CLCN6: variants seen among roughly 807,000 people sequenced by gnomAD.
CLCN6 encodes H(+)/Cl(-) exchange transporter 6.
A neutral mutation model predicts 109.8 loss-of-function variants in CLCN6; 70 were observed. The observed-to-expected ratio is 0.64, with a 90% confidence interval of 0.53 to 0.78. The LOEUF (loss-of-function observed/expected upper bound fraction) is 0.78, where lower values mean the gene tolerates loss of function less well. Ranked by LOEUF, CLCN6 falls within the 30% of genes least tolerant of loss-of-function variation. CLCN6 has a pLI of 0.00. For missense variants in CLCN6, 984 were observed against 1,142.3 expected, an observed-to-expected ratio of 0.86 and a Z score of 2.00; for synonymous variants, 444 against 447.8, an observed-to-expected ratio of 0.99 and a Z score of 0.11.
At chr1:11,816,936 G>A (rs910463991) in intron 4 of CLCN6, among the ~76,000 whole-genome samples, 1 of 151,626 alleles carries the variant, frequency 6.6e-6, no homozygotes, top group African/African-American at 2.4e-5. Flanking sequence ...CATGACAATG[G>A]TGCTCTTGAA....
chr1:11,823,026 A>T (rs1258618643), intron 6 of CLCN6, among the ~76,000 whole-genome samples: 1 of 152,134 alleles, frequency 6.6e-6, no homozygotes, highest in Non-Finnish European at 1.5e-5. Context: ...GGGGGGAGGA[A>T]AAAAGGGGGA....
intron 18 of CLCN6, 79 bp from the exon 19 acceptor site, chr1:11,836,920 C>A: frequency 6.5e-7 from 1 of 1,537,432 alleles, no homozygotes; most frequent in South Asian, 1.2e-5. Flanking sequence ...CCCTCCCTGT[C>A]ACCCAAATCC....
intron 5 of CLCN6, among the ~76,000 whole-genome samples, chr1:11,822,432 A>G (rs976411484): frequency 6.6e-6 from 1 of 152,128 alleles, no homozygotes; most frequent in Admixed American, 6.5e-5. Context: ...TTGTAGCGAC[A>G]TGGTCTCACT....
intron 13 of CLCN6, among the ~76,000 whole-genome samples, chr1:11,831,103 G>A (rs1023651195): frequency 2.0e-5 from 3 of 151,928 alleles, no homozygotes; most frequent in Admixed American, 1.3e-4. Context: ...AAATTGCTAG[G>A]ATTACAGGTG....
intron 2 of CLCN6, among the ~76,000 whole-genome samples, chr1:11,810,944 G>A (rs115095750): frequency 0.019 from 2,912 of 152,224 alleles, 40 homozygotes; most frequent in Non-Finnish European, 0.028. Context: ...GGGTGCAGTG[G>A]CCCACACCTG....
In CLCN6 at chr1:11,840,555, G is replaced by A. The variant is rs1645007040; in HGVS notation, c.*332G>A. On this transcript the variant is annotated 3_prime_UTR_variant, in exon 23 of 23. Transcript: ENST00000346436. ...AGGCGGGCCCCGGGCTGCACTCCGA[G>A]CAGTGTTCCTGGCCATCTTTGCTAC... 2.4e-6 allele frequency: 1 copy of A among 418,212 alleles called. No homozygotes were observed. The allele number at this position is 418,212 out of a possible 1,614,324, so 25.9% of individuals were successfully genotyped here. A position where few individuals can be genotyped will look rare whatever the true frequency, so the allele number is the denominator to read the frequency against.
Position 11,836,142 on chromosome 1 carries a change from A to T in CLCN6, c.1969A>T (p.Ile657Phe). The T allele has an allele frequency of 1.2e-6, 2 of 1,612,908 alleles. No homozygotes were observed. The highest frequency in any genetic ancestry group is 1.7e-6 in the Non-Finnish European group (2 of 1,179,656). Residue 657 changes from isoleucine to phenylalanine, a missense_variant, in exon 18 of 23, where the codon ATC (isoleucine) becomes TTC (phenylalanine). Coordinates refer to ENST00000346436, the MANE Select transcript of CLCN6 (RefSeq NM_001286.5). Reference sequence around the variant, plus strand: ...GGGCAACCAGCTCATCAGCAACAACATCAAGTTCAAGGTAAAGAAAACGGC... The same window carrying T: ...GGGCAACCAGCTCATCAGCAACAACTTCAAGTTCAAGGTAAAGAAAACGGC... ...MKGNQLISNN[I>F]KFKKSSILTR...
At chr1:11,811,383 A>AT (rs1208240536) in intron 2 of CLCN6, among the ~76,000 whole-genome samples, 262 of 147,034 alleles carry the variant, frequency 1.8e-3, no homozygotes, top group African/African-American at 6.3e-3. Flanking sequence ...TCCTACAGTC[A>AT]ATTTTTTTTT....
At chr1:11,839,111 T>C (rs1302498884) in intron 22 of CLCN6, 1 of 586,874 alleles carries the variant, frequency 1.7e-6, no homozygotes, top group South Asian at 2.2e-5. Flanking sequence ...ATTACACAAA[T>C]ATTTTCTTAT....
rs1419408203 is a variant in CLCN6, at chr1:11,806,304, G to GTGC, written c.52_54dup (p.Cys18dup). The GTGC allele has an allele frequency of 6.6e-7, 1 of 1,512,762 alleles. No individual in the cohort carries two copies. The highest frequency in any genetic ancestry group is 8.8e-7 in the Non-Finnish European group (1 of 1,142,612). 93.7% of individuals were successfully genotyped at this position (1,512,762 alleles called of 1,614,324 possible). Reference sequence around the variant, plus strand: ...GGTCTCTGTGCTGCTGCTGCAGGTGGTGCTGCTGCTGCGGTGAGCGTGAGA... The same window carrying GTGC: ...GGTCTCTGTGCTGCTGCTGCAGGTGGTGCTGCTGCTGCTGCGGTGAGCGTGAGA... On this transcript the variant is annotated inframe_insertion, in exon 1 of 23. Transcript: ENST00000346436.
intron 2 of CLCN6, among the ~76,000 whole-genome samples, chr1:11,809,350 C>T (rs1406822335): frequency 6.6e-6 from 1 of 152,186 alleles, no homozygotes; most frequent in Admixed American, 6.5e-5. Flanking sequence ...CTCACCAAGG[C>T]TTCCCCATTG....
At position 11,843,050 on chromosome 1, in the gene CLCN6, A is replaced by G. The variant is rs1645045041; in HGVS notation, c.*2827A>G. On this transcript the variant is annotated 3_prime_UTR_variant, in exon 23 of 23. Coordinates refer to ENST00000346436, the MANE Select transcript of CLCN6 (RefSeq NM_001286.5). Reference sequence around the variant, plus strand: ...AATTGTATTTTTTTTAATTTGTAAAATGCTATTTTTATTTGAACCTTTGGA... The same window carrying G: ...AATTGTATTTTTTTTAATTTGTAAAGTGCTATTTTTATTTGAACCTTTGGA... 6.6e-6 allele frequency: 1 copy of G among 152,150 alleles called. No individual in the cohort carries two copies. The highest frequency in any genetic ancestry group is 2.4e-5 in the African/African-American group (1 of 41,432). 9.4% of individuals were successfully genotyped at this position (152,150 alleles called of 1,614,324 possible).
intron 22 of CLCN6, 88 bp downstream of exon 22, chr1:11,838,748 C>CCTG: frequency 6.3e-7 from 1 of 1,581,260 alleles, no homozygotes; most frequent in South Asian, 1.1e-5. Flanking sequence ...TCACCAGAAA[C>CCTG]GTAGGCATCC....
rs1644923605 is a variant in CLCN6, at chr1:11,834,718, C to G, written c.1793+128C>G. On this transcript the variant is annotated intron_variant, in intron 17 of 22. Transcript: ENST00000346436. The surrounding 1 kb of genome is among the most constrained non-coding windows in gnomAD (Gnocchi z 4.5). The stretch of plus-strand genomic sequence containing the variant: ...GGCTGAAAGAAGCAACACACCCATT[C>G]CTGAGCATGTGTGAGAATGTGGAGC... 1 of 809,842 alleles carries G rather than the reference C, an allele frequency of 1.2e-6. No individual in the cohort carries two copies. Among genetic ancestry groups the G allele is most frequent in the Non-Finnish European group, 2.0e-6 (1 of 499,332 alleles). 50.2% of individuals were successfully genotyped at this position (809,842 alleles called of 1,614,324 possible).
rs377507145 is a variant in CLCN6 at position 11,833,644 on chromosome 1, T to C, written c.1372+6T>C. On this transcript the variant is annotated splice_donor_region_variant and intron_variant, in intron 14 of 22. Transcript: ENST00000346436. ...CCAGCTCTTCCACCAGGATGGTGAG[T>C]GTCTGCACTGCAGCCCAATCGTGGG... The C allele has an allele frequency of 4.0e-4, 638 of 1,613,104 alleles. 4 individuals carry two copies. The South Asian group carries it at 5.3e-3, about 13-fold the overall frequency.
In CLCN6 at chr1:11,841,335, T is replaced by C. The variant is rs1237871988; in HGVS notation, c.*1112T>C. 1.3e-5 allele frequency: 2 copies of C among 152,608 alleles called. No homozygotes were observed. The highest frequency in any genetic ancestry group is 2.4e-5 in the African/African-American group (1 of 41,454). 9.5% of individuals were successfully genotyped at this position (152,608 alleles called of 1,614,324 possible). On this transcript the variant is annotated 3_prime_UTR_variant, in exon 23 of 23. Coordinates refer to ENST00000346436, the MANE Select transcript of CLCN6 (RefSeq NM_001286.5). ...AGAGGCCCTTCAGGAGGGCCTCCTG[T>C]GCCGCAGGGAGGGTGCGTGGGGAAG...
In CLCN6 at chr1:11,829,196, A is replaced by G. The variant is rs1270384664; in HGVS notation, c.1122A>G (p.Arg374=). The part of the protein sequence containing the change: ...RNVHPKPKLV[R]VLESLLVSLV... ...GTAACAGCTGTGCTTTGCCTCCTAG[A>G]GTCTTAGAGAGCCTCCTTGTGTCTC... Residue 374 remains arginine (R), a splice_region_variant and synonymous_variant, in exon 13 of 23, where the codon AGA becomes AGG. Transcript: ENST00000346436. The G allele has an allele frequency of 6.2e-7, 1 of 1,613,452 alleles. No individual in the cohort carries two copies. The highest frequency in any genetic ancestry group is 8.5e-7 in the Non-Finnish European group (1 of 1,179,748).
At position 11,828,607 on chromosome 1, in the gene CLCN6, G is replaced by A. The variant is rs773236964; in HGVS notation, c.1104G>A (p.Pro368=). The A allele has an allele frequency of 9.9e-6, 16 of 1,610,682 alleles. No homozygotes were observed. The highest frequency in any genetic ancestry group is 5.5e-5 in the South Asian group (5 of 90,690). Residue 368 remains proline (P), a synonymous_variant, in exon 12 of 23, where the codon CCG becomes CCA. Coordinates refer to ENST00000346436, the MANE Select transcript of CLCN6 (RefSeq NM_001286.5). ...LAKYRMRNVH[P]KPKLVRVLES... ...AGTACCGTATGCGAAACGTGCACCC[G>A]AAACCTAAGCTCGTCAGGTATCTGC...
chr1:11,833,850 G>A (rs749656864), intron 14 of CLCN6, 27 bp from the exon 15 acceptor site: 3 of 1,598,674 alleles, frequency 1.9e-6, no homozygotes, highest in Non-Finnish European at 2.6e-6. Context: ...TCCGGTAGTG[G>A]GACTCAGGTT....
Sources: gnomAD v4.1 joint callset for allele counts (sites outside exome capture counted in the v4.1 genomes callset) on GRCh38, gnomAD v4.1.1 for gene constraint, Gnocchi (gnomAD v3.1) non-coding constraint, MANE v1.5 for transcripts, NCBI Gene and HGNC (gene_info 2026-07-23, HGNC 2026-07-21) for gene names.